HINT3: variants seen among roughly 807,000 people sequenced by gnomAD.
HINT3 encodes adenosine 5'-monophosphoramidase HINT3.
A neutral mutation model predicts 19.1 loss-of-function variants in HINT3; 16 were observed. The ratio of observed to expected loss-of-function variants is 0.84; its 90% CI spans 0.57 to 1.27. The LOEUF is 1.27. Among genes scored for constraint, HINT3 ranks in the 50% most tolerant of loss-of-function variants. The pLI is 0.00. For synonymous variants in HINT3, 75 were observed against 84.8 expected (o/e 0.88, Z 0.63); for missense variants, 197 against 225.8 (o/e 0.87, Z 0.82).
intron 1 of HINT3, among the ~76,000 whole-genome samples, chr6:125,961,473 G>A (rs982724727): frequency 6.6e-6 from 1 of 152,160 alleles, no homozygotes; most frequent in African/African-American, 2.4e-5. Context: ...TGCAAGTCCA[G>A]GCCTCTGGAA....
chr6:125,972,755 T>C (rs1365103988), intron 3 of HINT3, among the ~76,000 whole-genome samples: 2 of 152,016 alleles, frequency 1.3e-5, no homozygotes, highest in Non-Finnish European at 2.9e-5. Flanking sequence ...ACCCGGCTAA[T>C]TTTAAAATTT....
At chr6:125,964,505 A>G (rs955784228) in intron 1 of HINT3, among the ~76,000 whole-genome samples, 40 of 152,288 alleles carry the variant, frequency 2.6e-4, no homozygotes, top group Admixed American at 2.5e-3. Flanking sequence ...CACACAAAAG[A>G]TAGCTTAACC....
chr6:125,959,899 A>C (rs891290924), intron 1 of HINT3, among the ~76,000 whole-genome samples: 1 of 151,944 alleles, frequency 6.6e-6, no homozygotes, highest in African/African-American at 2.4e-5. Context: ...AACATGCAAA[A>C]CTCCTTGCCC....
At chr6:125,968,447 T>G (rs1233096359) in intron 2 of HINT3, among the ~76,000 whole-genome samples, 1 of 152,256 alleles carries the variant, frequency 6.6e-6, no homozygotes, top group African/African-American at 2.4e-5. Flanking sequence ...ATGCCTTTGC[T>G]GTTGTGAATA....
In HINT3 at chr6:125,980,186, A is replaced by G. The variant is rs912980605; in HGVS notation, c.*2510A>G. Reference sequence around the variant, plus strand: ...TGTGATACTATTTGTGGAACTGTTTAATGAGCTATTTCAAACTGCTAGAAG... The same window carrying G: ...TGTGATACTATTTGTGGAACTGTTTGATGAGCTATTTCAAACTGCTAGAAG... On this transcript the variant is annotated 3_prime_UTR_variant, in exon 5 of 5. Coordinates refer to ENST00000229633, the MANE Select transcript of HINT3 (RefSeq NM_138571.5). 1.3e-5 allele frequency: 2 copies of G among 152,228 alleles called. No individual in the cohort carries two copies. Among genetic ancestry groups the G allele is most frequent in the Non-Finnish European group, 2.9e-5 (2 of 68,044 alleles). 9.4% of individuals were successfully genotyped at this position (152,228 alleles called of 1,614,324 possible).
rs145543096 is a variant in HINT3 at position 125,958,428 on chromosome 6, T to C, written c.201+1250T>C. 4.0e-3 allele frequency among the ~76,000 whole-genome samples: 605 copies of C among 152,238 alleles called. 4 individuals are homozygous for C. Among genetic ancestry groups the C allele is most frequent in the African/African-American group, 0.014 (566 of 41,530 alleles). On this transcript the variant is annotated intron_variant, in intron 1 of 4. Transcript: ENST00000229633. ...TTGGGAGGAAGATGTTGCGGAGTTATAGGAAGGGGGTTGATCTTTGAAAGG... is the reference window on the plus strand; with the variant it reads ...TTGGGAGGAAGATGTTGCGGAGTTACAGGAAGGGGGTTGATCTTTGAAAGG...
intron 1 of HINT3, among the ~76,000 whole-genome samples, chr6:125,960,654 C>G (rs1048586332): frequency 3.5e-5 from 2 of 57,046 alleles, no homozygotes; most frequent in Non-Finnish European, 4.3e-5. Context: ...AAGACTCTCT[C>G]TGGGGGGGGG....
intron 1 of HINT3, among the ~76,000 whole-genome samples, chr6:125,962,850 A>T (rs1210806894): frequency 1.3e-5 from 2 of 152,254 alleles, no homozygotes; most frequent in East Asian, 3.9e-4. Context: ...TTACTTTTTC[A>T]TGTATGAGGC....
At chr6:125,968,236 C>A (rs544840353) in intron 2 of HINT3, among the ~76,000 whole-genome samples, 1 of 152,264 alleles carries the variant, frequency 6.6e-6, no homozygotes, top group Admixed American at 6.5e-5. Flanking sequence ...CAGTGTTTAC[C>A]CTCTCCTTAT....
At chr6:125,976,645 T>C (rs752448436) in intron 4 of HINT3, among the ~76,000 whole-genome samples, 11 of 151,836 alleles carry the variant, frequency 7.2e-5, no homozygotes, top group Non-Finnish European at 1.3e-4. Flanking sequence ...TTGTAATGTT[T>C]TGACTGTATT....
At chr6:125,965,103 A>G (rs1054613629) in intron 1 of HINT3, among the ~76,000 whole-genome samples, 3 of 152,236 alleles carry the variant, frequency 2.0e-5, no homozygotes, top group Non-Finnish European at 2.9e-5. Context: ...GTTAGTAACC[A>G]AAACCTTTCA....
At chr6:125,971,768 G>A (rs993313540) in intron 2 of HINT3, among the ~76,000 whole-genome samples, 3 of 137,426 alleles carry the variant, frequency 2.2e-5, no homozygotes, top group African/African-American at 8.7e-5. Flanking sequence ...GGAGTGCAGT[G>A]GCTCAATCTC....
chr6:125,958,933 A>C (rs912950487), intron 1 of HINT3, among the ~76,000 whole-genome samples: 1 of 152,214 alleles, frequency 6.6e-6, no homozygotes, highest in Admixed American at 6.5e-5. Context: ...TAAGGAAATG[A>C]AAGAGGGTGA....
chr6:125,962,231 TATACACATATATATATATAC>T (rs1788944722), intron 1 of HINT3, among the ~76,000 whole-genome samples: 8 of 30,292 alleles, frequency 2.6e-4, no homozygotes, highest in African/African-American at 8.4e-4. Context: ...TATATATATA[TATACACATATATATATATAC>T]ACACATATAT....
At chr6:125,965,508 C>T (rs1343017064) in intron 1 of HINT3, among the ~76,000 whole-genome samples, 2 of 152,108 alleles carry the variant, frequency 1.3e-5, no homozygotes, top group African/African-American at 4.8e-5. Context: ...TAATGGTAAT[C>T]CCAGCACTTT....
intron 2 of HINT3, among the ~76,000 whole-genome samples, chr6:125,970,608 T>C (rs1789083927): frequency 6.6e-6 from 1 of 152,158 alleles, no homozygotes; most frequent in Admixed American, 6.5e-5. Flanking sequence ...ATAATTTTTA[T>C]ATAATTGATA....
chr6:125,964,464 C>T (rs190312143), intron 1 of HINT3, among the ~76,000 whole-genome samples: 10 of 152,118 alleles, frequency 6.6e-5, no homozygotes, highest in African/African-American at 7.2e-5. Context: ...AATAGGTATT[C>T]ACATGTCTGT....
chr6:125,962,193 TATATATATATATATATACAC>T (rs1349360006), intron 1 of HINT3, among the ~76,000 whole-genome samples: 6,686 of 56,270 alleles, frequency 0.12, 808 homozygotes, highest in African/African-American at 0.26. Flanking sequence ...TATACACATA[TATATATATATATATATACAC>T]ATATATATAT....
chr6:125,972,505 C>T (rs1291046645), intron 3 of HINT3, among the ~76,000 whole-genome samples, 177 bp downstream of exon 3: 4 of 152,140 alleles, frequency 2.6e-5, no homozygotes, highest in African/African-American at 9.7e-5. Context: ...TCTTGTGTCT[C>T]AATATCTTCC....
Sources: gnomAD v4.1 joint callset for allele counts (sites outside exome capture counted in the v4.1 genomes callset) on GRCh38, gnomAD v4.1.1 for gene constraint, MANE v1.5 for transcripts, NCBI Gene and HGNC (gene_info 2026-07-23, HGNC 2026-07-21) for gene names.